The following UBE3B variants were observed in gnomAD, a reference collection of about 807,000 sequenced individuals.
The protein encoded by UBE3B is ubiquitin protein ligase E3B.
UBE3B carries 80 observed loss-of-function variants against 132.3 expected under a neutral mutation model. The observed-to-expected ratio is 0.60, with a 90% confidence interval of 0.50 to 0.73. The LOEUF is 0.73. UBE3B is among the 30% of genes least tolerant of loss of function. UBE3B has a pLI of 0.00. For missense variants in UBE3B, 1,196 were observed against 1,362.5 expected, an observed-to-expected ratio of 0.88 and a Z score of 1.92; for synonymous variants, 487 against 520.4, an observed-to-expected ratio of 0.94 and a Z score of 0.87.
Position 109,483,944 on chromosome 12 carries a change from A to C in UBE3B, c.245A>C (p.Lys82Thr). The change falls in exon 4 of 28, where the codon AAA becomes ACA. Residue 82 changes from lysine to threonine, a missense_variant. Physicochemically the swap from Lys to Thr is moderately conservative, Grantham distance 78. Coordinates refer to ENST00000342494, the MANE Select transcript of UBE3B (RefSeq NM_130466.4). ...CTTTGTATTTTCAAGATTGCCAGGA[A>C]ACTGCTGTTCCTATTCAGAATCAAA... ...SALCIFKIAR[K>T]LLFLFRIKED... 6.2e-7 allele frequency: 1 copy of C among 1,614,110 alleles called. No homozygotes were observed. Among genetic ancestry groups the C allele is most frequent in the Non-Finnish European group, 8.5e-7 (1 of 1,179,994 alleles).
chr12:109,526,639 G>A (rs1053249135), intron 24 of UBE3B, among the ~76,000 whole-genome samples: 1 of 152,140 alleles, frequency 6.6e-6, no homozygotes, highest in Non-Finnish European at 1.5e-5. Context: ...TTGTTAGGCC[G>A]AGGCGGGCGG....
intron 27 of UBE3B, 108 bp downstream of exon 27, chr12:109,533,666 C>A: frequency 1.8e-6 from 2 of 1,135,054 alleles, no homozygotes; most frequent in Non-Finnish European, 2.6e-6. Flanking sequence ...GCAAGGCAGG[C>A]AGCTGGACCC....
chr12:109,541,402 G>C (rs369810322), downstream of UBE3B, among the ~76,000 whole-genome samples: 9 of 152,278 alleles, frequency 5.9e-5, no homozygotes, highest in South Asian at 1.9e-3. Context: ...TTCACTTCTC[G>C]GAGATTCATT....
rs879135179 is a variant in UBE3B at position 109,511,366 on chromosome 12, T to C, written c.1956+63T>C. The C allele has an allele frequency of 8.1e-6, 12 of 1,480,714 alleles. No homozygotes were observed. The South Asian group carries it at 1.3e-4, about 16-fold the overall frequency. The allele number at this position is 1,480,714 out of a possible 1,614,324, so 91.7% of individuals were successfully genotyped here. A position where few individuals can be genotyped will look rare whatever the true frequency, so the allele number is the denominator to read the frequency against. On this transcript the variant is annotated intron_variant, in intron 18 of 27. Transcript: ENST00000342494. ...CTATTCCCCCACGTGGTTCCTGCCT[T>C]TCCATCCTTGCTATGGCAATTGGAG...
rs1881644472 is a variant in UBE3B at position 109,521,018 on chromosome 12, T to TG, written c.2077-129dup. 6 of 1,005,328 alleles carry TG rather than the reference T, an allele frequency of 6.0e-6. No homozygotes were observed. The highest frequency in any genetic ancestry group is 8.7e-6 in the Non-Finnish European group (6 of 687,068). The allele number at this position is 1,005,328 out of a possible 1,614,324, so 62.3% of individuals were successfully genotyped here. On this transcript the variant is annotated intron_variant, in intron 19 of 27. Transcript: ENST00000342494. This position sits in a 1 kb window ranked among gnomAD's most constrained non-coding sequence, Gnocchi z 4.2. Reference sequence around the variant, plus strand: ...AAGCAGGTGAGAACGGCTCCTGTCATGCATCCACGTTTCATAATTTGCACA... The same window carrying TG: ...AAGCAGGTGAGAACGGCTCCTGTCATGGCATCCACGTTTCATAATTTGCACA...
Position 109,533,925 on chromosome 12 carries a change from G to A in UBE3B, c.3015+367G>A, listed in dbSNP as rs1393955626. The stretch of plus-strand genomic sequence containing the variant: ...TCAGGAGGCAGGCAGGCGCAGACTC[G>A]AATGCTACTCCTACCCCAGCAGGCT... On this transcript the variant is annotated intron_variant, in intron 27 of 27. Transcript: ENST00000342494. 39 of 1,323,420 alleles carry A rather than the reference G, an allele frequency of 2.9e-5. No homozygotes were observed. The East Asian group carries it at 1.6e-3, about 53-fold the overall frequency. 82.0% of individuals were successfully genotyped at this position (1,323,420 alleles called of 1,614,324 possible).
intron 24 of UBE3B, among the ~76,000 whole-genome samples, chr12:109,529,476 C>T (rs1199642150): frequency 6.6e-6 from 1 of 152,174 alleles, no homozygotes; most frequent in Non-Finnish European, 1.5e-5. Context: ...TATTTTAAAA[C>T]TTATTAGAGG....
rs866009082 is a variant in UBE3B at position 109,521,226 on chromosome 12, G to A, written c.2155G>A (p.Gly719Arg). The A allele has an allele frequency of 6.2e-7, 1 of 1,614,172 alleles. No individual in the cohort carries two copies. Among genetic ancestry groups the A allele is most frequent in the Non-Finnish European group, 8.5e-7 (1 of 1,180,038 alleles). Reference sequence around the variant, plus strand: ...CCGTGTGAAGTTTGTCAATGACCTCGGGGTGGACGAAGCAGGGATTGATCA... The same window carrying A: ...CCGTGTGAAGTTTGTCAATGACCTCAGGGTGGACGAAGCAGGGATTGATCA... ...VIRVKFVNDL[G>R]VDEAGIDQDG... The change falls in exon 20 of 28, where the codon GGG (glycine) becomes AGG (arginine). Residue 719 changes from glycine to arginine, a missense_variant. Gly to Arg is a moderately radical substitution (Grantham distance 125). Transcript: ENST00000342494. This position sits in a 1 kb window ranked among gnomAD's most constrained non-coding sequence, Gnocchi z 4.2.
At position 109,510,325 on chromosome 12, in the gene UBE3B, CTGTT is replaced by C. The variant is rs749275521; in HGVS notation, c.1742-11_1742-8del. On this transcript the variant is annotated splice_polypyrimidine_tract_variant and intron_variant, in intron 16 of 27. Transcript: ENST00000342494. Reference sequence around the variant, plus strand: ...GGCTCTGACTCCTCCTCTGACTTTCCTGTTTGTTTGTCCCACAGAGAACGCCAAG... The same window carrying C: ...GGCTCTGACTCCTCCTCTGACTTTCCTGTTTGTCCCACAGAGAACGCCAAG... 5 of 1,580,142 alleles carry C rather than the reference CTGTT, an allele frequency of 3.2e-6. No individual in the cohort carries two copies. Among genetic ancestry groups the C allele is most frequent in the Middle Eastern group, 1.7e-4 (1 of 6,024 alleles).
Position 109,534,200 on chromosome 12 carries a change from C to T in UBE3B, c.3016-391C>T. On this transcript the variant is annotated intron_variant, in intron 27 of 27. Transcript: ENST00000342494. This position sits in a 1 kb window ranked among gnomAD's most constrained non-coding sequence, Gnocchi z 5.2. Reference sequence around the variant, plus strand: ...CCTCCATGCTTAAGGGAAAGTTGGCCCAAGTCATGGTCTGCCACCGGCCAC... The same window carrying T: ...CCTCCATGCTTAAGGGAAAGTTGGCTCAAGTCATGGTCTGCCACCGGCCAC... 1 of 1,235,736 alleles carries T rather than the reference C, an allele frequency of 8.1e-7. No homozygotes were observed. The highest frequency in any genetic ancestry group is 1.5e-5 in the South Asian group (1 of 66,766). The allele number at this position is 1,235,736 out of a possible 1,614,324, so 76.5% of individuals were successfully genotyped here.
At chr12:109,525,903 C>G (rs1012563561) in intron 23 of UBE3B, among the ~76,000 whole-genome samples, 1 of 152,214 alleles carries the variant, frequency 6.6e-6, no homozygotes, top group African/African-American at 2.4e-5. Context: ...ACCTGCGTCC[C>G]TTGAGACTCT....
chr12:109,545,377 C>T, the UBE3B span, among the ~76,000 whole-genome samples: 3 of 152,202 alleles, frequency 2.0e-5, no homozygotes, highest in Non-Finnish European at 2.9e-5. Context: ...ACACGGTGGA[C>T]GTGATCCCTG....
intron 24 of UBE3B, chr12:109,528,597 T>C: frequency 2.9e-6 from 2 of 695,530 alleles, no homozygotes; most frequent in Non-Finnish European, 1.8e-6. Flanking sequence ...CTCACACCTG[T>C]AATCCCAGCA....
Position 109,521,622 on chromosome 12 carries a change from A to AT in UBE3B, c.2364+72dup. On this transcript the variant is annotated intron_variant, in intron 21 of 27. Transcript: ENST00000342494. The surrounding 1 kb of genome is among the most constrained non-coding windows in gnomAD (Gnocchi z 4.2). ...GTACCATGGGCTTCTTCACATACAC[A>AT]TATGTGATCAGGCTTGGCCATGTAA... 7.5e-7 allele frequency: 1 copy of AT among 1,340,072 alleles called. No homozygotes were observed. Among genetic ancestry groups the AT allele is most frequent in the African/African-American group, 1.5e-5 (1 of 68,698 alleles). 83.0% of individuals were successfully genotyped at this position (1,340,072 alleles called of 1,614,324 possible).
the UBE3B span, among the ~76,000 whole-genome samples, chr12:109,543,890 A>G: frequency 2.6e-4 from 40 of 152,100 alleles, 1 homozygote; most frequent in South Asian, 5.8e-3. Context: ...AGATGGTACC[A>G]TAAGGAGGGT....
chr12:109,532,461 T>C (rs1214108850), intron 26 of UBE3B, among the ~76,000 whole-genome samples: 4 of 152,238 alleles, frequency 2.6e-5, no homozygotes, highest in Non-Finnish European at 5.9e-5. Context: ...GAACCATTTA[T>C]AACAGACCCA....
chr12:109,478,375 A>C (rs998276023), intron 1 of UBE3B, among the ~76,000 whole-genome samples: 1 of 152,202 alleles, frequency 6.6e-6, no homozygotes, highest in South Asian at 2.1e-4. Context: ...TTGGATATAC[A>C]TGGATTCAGA....
At chr12:109,485,544 T>C (rs1876294227) in intron 4 of UBE3B, among the ~76,000 whole-genome samples, 1 of 152,192 alleles carries the variant, frequency 6.6e-6, no homozygotes. Flanking sequence ...TGGAACCTGT[T>C]TTCTAGTTTC....
At chr12:109,533,786 C>T (rs1883198704) in intron 27 of UBE3B, 1 of 878,798 alleles carries the variant, frequency 1.1e-6, no homozygotes, top group Non-Finnish European at 1.8e-6. Context: ...TTTCTCTTTC[C>T]TTCCTCAGGG....
Sources: gnomAD v4.1 joint callset for allele counts (sites outside exome capture counted in the v4.1 genomes callset) on GRCh38, gnomAD v4.1.1 for gene constraint, Gnocchi (gnomAD v3.1) non-coding constraint, MANE v1.5 for transcripts, NCBI Gene and HGNC (gene_info 2026-07-23, HGNC 2026-07-21) for gene names.